TOP1MT: variants seen among roughly 807,000 people sequenced by gnomAD.
The protein encoded by TOP1MT is DNA topoisomerase I, mitochondrial.
Under a neutral mutation model 73.9 loss-of-function variants are expected in TOP1MT, and 80 were observed. The ratio of observed to expected loss-of-function variants is 1.08; its 90% CI spans 0.90 to 1.30. The LOEUF is 1.30. Ranked by LOEUF, TOP1MT falls within the 50% of genes most tolerant of loss-of-function variation. The pLI, the probability that TOP1MT is intolerant of heterozygous loss-of-function variation, is 0.00. For synonymous variants in TOP1MT, 338 were observed against 326.4 expected (o/e 1.04, Z -0.38); for missense variants, 815 against 808.0 (o/e 1.01, Z -0.10).
Position 143,320,368 on chromosome 8 carries a change from G to C in TOP1MT, c.1146+833C>G, listed in dbSNP as rs183159608. Among the ~76,000 whole-genome samples, 872 of 152,184 alleles carry C rather than the reference G, an allele frequency of 5.7e-3. 6 individuals are homozygous for C. Among genetic ancestry groups the C allele is most frequent in the African/African-American group, 0.02 (841 of 41,552 alleles). ...GATGGTCTCGATCTCCTGACCTCGT[G>C]ATCCACCCGCCTTGGCCTCCCAAAG... is the stretch of plus-strand genomic sequence containing the variant. On this transcript the variant is annotated intron_variant, in intron 8 of 13. Coordinates refer to ENST00000329245, the MANE Select transcript of TOP1MT (RefSeq NM_052963.3).
intron 12 of TOP1MT, among the ~76,000 whole-genome samples, chr8:143,311,087 G>A (rs888933265): frequency 6.6e-6 from 1 of 151,212 alleles, no homozygotes; most frequent in Non-Finnish European, 1.5e-5. Context: ...TGAGTAGCTG[G>A]GACTACAGGC....
At chr8:143,317,677 G>A in intron 10 of TOP1MT, 46 bp downstream of exon 10, 1 of 1,438,756 alleles carries the variant, frequency 7.0e-7, no homozygotes, top group Non-Finnish European at 9.3e-7. Flanking sequence ...TCTGGGGCAG[G>A]GGCCGTGCTC....
rs200202396 is a variant in TOP1MT at position 143,326,310 on chromosome 8, C to T, written c.395G>A (p.Ser132Asn). The change falls in exon 4 of 14, where the codon AGC becomes AAC. Residue 132 changes from serine (S) to asparagine (N), a missense_variant. Ser to Asn is a conservative substitution (Grantham distance 46, BLOSUM62 1). Around this residue, in one of 3 missense-constraint regions of TOP1MT, gnomAD observed 751 missense variants for 725.4 expected, o/e 1.04. Transcript: ENST00000329245. ...CTCCGTGAAGTCACACTTGTCCAGGCTCTTGATGACTTCCCTCTCTTCCAC... is the reference window on the plus strand; with the variant it reads ...CTCCGTGAAGTCACACTTGTCCAGGTTCTTGATGACTTCCCTCTCTTCCAC... ...MAVEEREVIK[S>N]LDKCDFTEIH... The T allele has an allele frequency of 2.0e-4, 327 of 1,613,942 alleles. No homozygotes were observed. The highest frequency in any genetic ancestry group is 2.6e-4 in the Non-Finnish European group (311 of 1,180,026).
chr8:143,326,145 T>A, intron 4 of TOP1MT, 77 bp downstream of exon 4: 1 of 1,556,882 alleles, frequency 6.4e-7, no homozygotes, highest in South Asian at 1.1e-5. Flanking sequence ...CCACAGGCCT[T>A]TCTCAGTCTT....
In TOP1MT at chr8:143,329,396, GTGTA is replaced by G; in HGVS notation, c.310_313del (p.Tyr104GlnfsTer51). 6.2e-7 allele frequency: 1 copy of G among 1,610,096 alleles called. No homozygotes were observed. The highest frequency in any genetic ancestry group is 8.5e-7 in the Non-Finnish European group (1 of 1,178,982). ...GTTCTTCCGGAAAACCTCCTTTGTTGTGTATTCATGATCTAACATCCTCCCATAA... is the reference window on the plus strand; with the variant it reads ...GTTCTTCCGGAAAACCTCCTTTGTTGTTCATGATCTAACATCCTCCCATAA... On this transcript the variant is annotated frameshift_variant, in exon 3 of 14. Coordinates refer to ENST00000329245, the MANE Select transcript of TOP1MT (RefSeq NM_052963.3). LOFTEE classifies it high-confidence loss of function.
At chr8:143,313,525 G>A (rs1414490622) in intron 12 of TOP1MT, among the ~76,000 whole-genome samples, 1 of 136,634 alleles carries the variant, frequency 7.3e-6, no homozygotes, top group African/African-American at 2.7e-5. Flanking sequence ...ACTCTAGCCT[G>A]GGTGACAGAG....
At chr8:143,322,869 ACACGCACGCAACACACGCACGC>A (rs1816534810) in intron 7 of TOP1MT, among the ~76,000 whole-genome samples, 1 of 105,034 alleles carries the variant, frequency 9.5e-6, no homozygotes. Flanking sequence ...CACGCACGCC[ACACGCACGCAACACACGCACGC>A]CACACGCACG....
At position 143,321,181 on chromosome 8, in the gene TOP1MT, G is replaced by C. The variant is rs1816330243; in HGVS notation, c.1146+20C>G. 1 of 1,562,236 alleles carries C rather than the reference G, an allele frequency of 6.4e-7. No individual in the cohort carries two copies. Among genetic ancestry groups the C allele is most frequent in the African/African-American group, 1.4e-5 (1 of 73,478 alleles). On this transcript the variant is annotated intron_variant, in intron 8 of 13. Coordinates refer to ENST00000329245, the MANE Select transcript of TOP1MT (RefSeq NM_052963.3). ...AAATACGTGTCACATAGCGGGGGCAGCTGGCGCGAGGGCACTCACCGGCTT... is the reference window on the plus strand; with the variant it reads ...AAATACGTGTCACATAGCGGGGGCACCTGGCGCGAGGGCACTCACCGGCTT...
At chr8:143,313,093 C>T (rs1255627331) in intron 12 of TOP1MT, among the ~76,000 whole-genome samples, 5 of 152,200 alleles carry the variant, frequency 3.3e-5, no homozygotes, top group Admixed American at 2.6e-4. Context: ...TCAGACCACA[C>T]ACAAAAATTA....
At chr8:143,327,896 A>T (rs886194946) in intron 3 of TOP1MT, 55 of 329,958 alleles carry the variant, frequency 1.7e-4, no homozygotes, top group Non-Finnish European at 3.0e-4. Context: ...TATAACCAAA[A>T]TTAACTCAGA....
chr8:143,348,931 T>A (rs980772602), upstream of TOP1MT, among the ~76,000 whole-genome samples: 1 of 151,286 alleles, frequency 6.6e-6, no homozygotes, highest in African/African-American at 2.4e-5. This position sits in a 1 kb window ranked among gnomAD's most constrained non-coding sequence, Gnocchi z 4.6. Context: ...CAAACCCACT[T>A]GAGCATCTGA....
chr8:143,357,093 CAAA>C (rs36125491), upstream of TOP1MT, among the ~76,000 whole-genome samples: 2 of 89,722 alleles, frequency 2.2e-5, no homozygotes. Context: ...GACTCCATCT[CAAA>C]AAAAAAAAAA....
In TOP1MT at chr8:143,315,963, G is replaced by A. The variant is rs766730023; in HGVS notation, c.1458+36C>T. The A allele has an allele frequency of 5.6e-6, 9 of 1,613,864 alleles. No homozygotes were observed. The Admixed American group carries it at 6.7e-5, about 12-fold the overall frequency. On this transcript the variant is annotated intron_variant, in intron 11 of 13. Coordinates refer to ENST00000329245, the MANE Select transcript of TOP1MT (RefSeq NM_052963.3). ...CTCTGGGGAGGGGGAGGGGTCCCTT[G>A]AGGGCTGGGCTGGGGGCTCTCCTGG...
At position 143,315,835 on chromosome 8, in the gene TOP1MT, G is replaced by A. The variant is rs1816143708; in HGVS notation, c.1459-14C>T. ...CTTTGCCTGGATCTGCAGGAAAAGG[G>A]TCCAGACAGGGCTGCCCCTCCCCAT... On this transcript the variant is annotated splice_polypyrimidine_tract_variant and intron_variant, in intron 11 of 13. Coordinates refer to ENST00000329245, the MANE Select transcript of TOP1MT (RefSeq NM_052963.3). 6.2e-7 allele frequency: 1 copy of A among 1,612,384 alleles called. No individual in the cohort carries two copies.
At chr8:143,334,998 G>C, upstream of TOP1MT, 1 of 923,574 alleles carries the variant, frequency 1.1e-6, no homozygotes, top group Non-Finnish European at 1.3e-6. Context: ...GGCGGTCTAA[G>C]CCTGCACGGG....
intron 3 of TOP1MT, among the ~76,000 whole-genome samples, chr8:143,327,001 C>T (rs1370681112): frequency 3.9e-5 from 6 of 152,098 alleles, no homozygotes; most frequent in Non-Finnish European, 5.9e-5. Context: ...CAGAAGGGGC[C>T]CAGCTAATTC....
chr8:143,334,868 G>C lies in TOP1MT; in HGVS notation c.-7C>G. The C allele has an allele frequency of 6.9e-7, 1 of 1,458,468 alleles. No individual in the cohort carries two copies. The highest frequency in any genetic ancestry group is 1.3e-5 in the South Asian group (1 of 78,390). 90.3% of individuals were successfully genotyped at this position (1,458,468 alleles called of 1,614,324 possible). On this transcript the variant is annotated 5_prime_UTR_variant, in exon 1 of 14. Coordinates refer to ENST00000329245, the MANE Select transcript of TOP1MT (RefSeq NM_052963.3). ...GCAGCCGCACCACGCGCATCTGCCA[G>C]CCTCCGGGAAAGAGCGACAAGCTGG... is the stretch of plus-strand genomic sequence containing the variant.
At chr8:143,358,888 G>T (rs994361730), upstream of TOP1MT, among the ~76,000 whole-genome samples, 1 of 152,190 alleles carries the variant, frequency 6.6e-6, no homozygotes, top group East Asian at 1.9e-4. Flanking sequence ...CCATTACTAC[G>T]CAACCAGGCT....
intron 1 of TOP1MT, among the ~76,000 whole-genome samples, chr8:143,354,678 C>T (rs1349283470): frequency 6.6e-6 from 1 of 151,746 alleles, no homozygotes; most frequent in Non-Finnish European, 1.5e-5. Context: ...TGCCATTGCA[C>T]TCCAGCCTGG....
Sources: allele counts gnomAD v4.1 joint callset (sites outside exome capture counted in the v4.1 genomes callset), GRCh38; gene constraint gnomAD v4.1.1; regional missense constraint gnomAD v4.1.1; non-coding constraint Gnocchi (gnomAD v3.1); transcripts MANE v1.5; gene names NCBI Gene and HGNC (gene_info 2026-07-23, HGNC 2026-07-21).